MECOM: variants seen among roughly 807,000 people sequenced by gnomAD.
MECOM encodes the protein MDS1 and EVI1 complex locus.
In MECOM, 13 loss-of-function variants were observed where a neutral mutation model predicts 116.3. The ratio of observed to expected loss-of-function variants is 0.11; its 90% CI spans 0.07 to 0.18. The LOEUF (loss-of-function observed/expected upper bound fraction) is 0.18, where lower values mean the gene tolerates loss of function less well. Among genes scored for constraint, MECOM ranks in the 10% least tolerant of loss-of-function variants. The pLI, the probability that MECOM is intolerant of heterozygous loss-of-function variation, is 1.00. For synonymous variants in MECOM, 528 were observed against 535.2 expected (o/e 0.99, Z 0.19); for missense variants, 1,299 against 1,509.0 (o/e 0.86, Z 2.31).
intron 1 of MECOM, among the ~76,000 whole-genome samples, chr3:169,596,335 G>A (rs992780147): frequency 6.6e-6 from 1 of 152,210 alleles, no homozygotes; most frequent in Non-Finnish European, 1.5e-5. Flanking sequence ...AAGGAAGACA[G>A]CTGTAGCCCA....
intron 1 of MECOM, among the ~76,000 whole-genome samples, chr3:169,559,710 A>G (rs984994543): frequency 1.3e-5 from 2 of 152,314 alleles, no homozygotes; most frequent in African/African-American, 4.8e-5. Context: ...TAAGTAACGT[A>G]AGTGCCTAAG....
At chr3:169,629,635 G>A (rs774227952) in intron 1 of MECOM, among the ~76,000 whole-genome samples, 1 of 152,188 alleles carries the variant, frequency 6.6e-6, no homozygotes, top group Non-Finnish European at 1.5e-5. Context: ...GTAAGGGAAC[G>A]TGCATGTAGG....
At chr3:169,330,903 T>C (rs7645168) in intron 2 of MECOM, among the ~76,000 whole-genome samples, 26,317 of 151,974 alleles carry the variant, frequency 0.17, 2,757 homozygotes, top group Admixed American at 0.33. Context: ...TGTCTATATA[T>C]AGAAATATAT....
At chr3:169,661,319 A>T (rs1776259975) in intron 1 of MECOM, among the ~76,000 whole-genome samples, 1 of 111,300 alleles carries the variant, frequency 9.0e-6, no homozygotes, top group Non-Finnish European at 1.9e-5. Flanking sequence ...CCCCCCACAC[A>T]CACACTCTCT....
At chr3:169,488,372 C>CAAAAAAAAA (rs758493062) in intron 1 of MECOM, among the ~76,000 whole-genome samples, 822 of 58,294 alleles carry the variant, frequency 0.014, no homozygotes, top group Non-Finnish European at 0.019. Context: ...ACTAAAAATA[C>CAAAAAAAAA]AAAAAAAAAA....
chr3:169,190,072 AAG>A (rs1747315542), intron 2 of MECOM, among the ~76,000 whole-genome samples: 2 of 152,086 alleles, frequency 1.3e-5, no homozygotes, highest in Non-Finnish European at 2.9e-5. Context: ...TAAATCATAA[AAG>A]AGATAAATAA....
intron 1 of MECOM, chr3:169,613,548 G>A (rs1769545358): frequency 1.3e-5 from 2 of 152,210 alleles, no homozygotes; most frequent in South Asian, 4.2e-4. Flanking sequence ...TTGGAGCAAG[G>A]ACACTCTAAT....
intron 2 of MECOM, among the ~76,000 whole-genome samples, chr3:169,379,625 C>A (rs527561010): frequency 1.3e-5 from 2 of 152,060 alleles, no homozygotes; most frequent in African/African-American, 4.8e-5. Context: ...ATGTTTAAAA[C>A]GGCACAGTCC....
intron 2 of MECOM, among the ~76,000 whole-genome samples, chr3:169,319,096 TA>T (rs751122351): frequency 0.033 from 3,748 of 114,430 alleles, 107 homozygotes; most frequent in African/African-American, 0.092. Flanking sequence ...AGACTCTGTC[TA>T]AAAAAAAAAA....
chr3:169,449,406 C>T (rs1441315962), intron 1 of MECOM, among the ~76,000 whole-genome samples: 1 of 152,150 alleles, frequency 6.6e-6, no homozygotes, highest in Non-Finnish European at 1.5e-5. Context: ...TCACTGAGGT[C>T]TGGGTACTTA....
intron 1 of MECOM, among the ~76,000 whole-genome samples, chr3:169,412,521 G>A (rs1006101681): frequency 6.6e-6 from 1 of 151,968 alleles, no homozygotes; most frequent in African/African-American, 2.4e-5. Flanking sequence ...GCTCCTGAAA[G>A]CTACGATCTA....
intron 1 of MECOM, among the ~76,000 whole-genome samples, chr3:169,386,636 C>T (rs145896335): frequency 2.0e-5 from 3 of 152,210 alleles, no homozygotes; most frequent in African/African-American, 4.8e-5. Flanking sequence ...TGAACTACTT[C>T]CATGGATTTT....
chr3:169,595,478 C>G (rs898307986), intron 1 of MECOM, among the ~76,000 whole-genome samples: 2 of 152,134 alleles, frequency 1.3e-5, no homozygotes, highest in Non-Finnish European at 2.9e-5. Flanking sequence ...ATACTGGAAA[C>G]ATTGTCTACT....
chr3:169,428,532 C>A (rs963931141), intron 1 of MECOM, among the ~76,000 whole-genome samples: 6 of 152,144 alleles, frequency 3.9e-5, no homozygotes, highest in African/African-American at 1.4e-4. Flanking sequence ...AATAACAGGC[C>A]GTGGACCGGT....
chr3:169,151,247 T>C (rs988112139), intron 2 of MECOM, among the ~76,000 whole-genome samples: 1 of 152,236 alleles, frequency 6.6e-6, no homozygotes, highest in African/African-American at 2.4e-5. Flanking sequence ...CCACTTTTAA[T>C]AGGCTTCCTG....
chr3:169,323,532 A>G (rs934982750), intron 2 of MECOM, among the ~76,000 whole-genome samples: 2 of 152,208 alleles, frequency 1.3e-5, no homozygotes, highest in Admixed American at 1.3e-4. Context: ...AAGCAACAGT[A>G]TGTCAAGATC....
At chr3:169,425,839 A>G (rs1740568247) in intron 1 of MECOM, among the ~76,000 whole-genome samples, 1 of 152,220 alleles carries the variant, frequency 6.6e-6, no homozygotes, top group Admixed American at 6.5e-5. Context: ...GAAGAATAGT[A>G]TTCTACAACA....
chr3:169,111,832 T>A (rs1433171220), intron 9 of MECOM, among the ~76,000 whole-genome samples: 1 of 152,018 alleles, frequency 6.6e-6, no homozygotes, highest in East Asian at 1.9e-4. Flanking sequence ...AAGAACCATA[T>A]CCCATGATCT....
At chr3:169,530,691 T>C (rs1758513031) in intron 1 of MECOM, among the ~76,000 whole-genome samples, 1 of 152,270 alleles carries the variant, frequency 6.6e-6, no homozygotes, top group Admixed American at 6.5e-5. Context: ...GTTCTGCTAC[T>C]TACTGACTAT....
Sources: allele counts gnomAD v4.1 joint callset (sites outside exome capture counted in the v4.1 genomes callset), GRCh38; gene constraint gnomAD v4.1.1; transcripts MANE v1.5; gene names NCBI Gene and HGNC (gene_info 2026-07-23, HGNC 2026-07-21).